Variants in BRINP3 observed in about 807,000 individuals in gnomAD.
BRINP3 encodes the protein BMP/retinoic acid inducible neural specific 3.
A neutral mutation model predicts 71.0 loss-of-function variants in BRINP3; 19 were observed. The observed-to-expected ratio is 0.27, with a 90% CI of 0.19 to 0.39. The LOEUF is 0.39. Ranked by LOEUF, BRINP3 falls within the 10% of genes least tolerant of loss-of-function variation. BRINP3 has a pLI of 1.00. For synonymous variants in BRINP3, 380 were observed against 337.7 expected (o/e 1.13, Z -1.37); for missense variants, 959 against 940.8 (o/e 1.02, Z -0.25).
intron 2 of BRINP3, among the ~76,000 whole-genome samples, chr1:190,310,062 T>C (rs775245433): frequency 6.6e-6 from 1 of 151,332 alleles, no homozygotes; most frequent in Non-Finnish European, 1.5e-5. Flanking sequence ...TTGTAAGTTT[T>C]GTGTTTTAGT....
intron 3 of BRINP3, among the ~76,000 whole-genome samples, chr1:190,266,309 G>A (rs1392495866): frequency 1.3e-5 from 2 of 152,074 alleles, no homozygotes; most frequent in Non-Finnish European, 2.9e-5. Context: ...TAGCCCAGGT[G>A]ACAATCCAAT....
At chr1:190,277,118 T>TATATATATATATATATATATATA (rs376769940) in intron 3 of BRINP3, among the ~76,000 whole-genome samples, 8 of 128,558 alleles carry the variant, frequency 6.2e-5, no homozygotes, top group South Asian at 2.5e-4. Context: ...TATATATATA[T>TATATATATATATATATATATATA]TTATATTCAG....
At chr1:190,266,695 C>G (rs1472927511) in intron 3 of BRINP3, among the ~76,000 whole-genome samples, 1 of 151,982 alleles carries the variant, frequency 6.6e-6, no homozygotes, top group African/African-American at 2.4e-5. Flanking sequence ...TCAGAATGAC[C>G]AATGAATCAG....
intron 2 of BRINP3, among the ~76,000 whole-genome samples, chr1:190,326,710 T>C (rs1208689904): frequency 1.3e-5 from 2 of 152,084 alleles, no homozygotes; most frequent in African/African-American, 2.4e-5. Flanking sequence ...CTAAGCTTCA[T>C]AAGCAAATAA....
intron 4 of BRINP3, among the ~76,000 whole-genome samples, chr1:190,240,005 G>A (rs1371175503): frequency 2.0e-5 from 3 of 150,496 alleles, no homozygotes; most frequent in Admixed American, 1.3e-4. Context: ...TTATTTCAAG[G>A]CTACAATTAC....
intron 7 of BRINP3, 25 bp from the exon 8 acceptor site, chr1:190,099,159 C>T: frequency 6.3e-7 from 1 of 1,599,338 alleles, no homozygotes; most frequent in Non-Finnish European, 8.5e-7. Context: ...CAGAACGAAT[C>T]TACATAAATA....
intron 1 of BRINP3, among the ~76,000 whole-genome samples, chr1:190,467,809 T>G (rs997006976): frequency 6.6e-6 from 1 of 151,574 alleles, no homozygotes; most frequent in African/African-American, 2.4e-5. Context: ...TAAACCATTT[T>G]TAAAATTTAA....
intron 2 of BRINP3, among the ~76,000 whole-genome samples, chr1:190,415,356 T>C (rs1672946280): frequency 6.6e-6 from 1 of 152,182 alleles, no homozygotes; most frequent in Non-Finnish European, 1.5e-5. Context: ...GGATAAATAT[T>C]GTGTAACTGA....
chr1:190,238,090 T>A (rs1658697583), intron 4 of BRINP3, among the ~76,000 whole-genome samples: 1 of 152,078 alleles, frequency 6.6e-6, no homozygotes, highest in Non-Finnish European at 1.5e-5. Flanking sequence ...AGTTATTTAA[T>A]TTTATACATT....
At chr1:190,357,651 G>C (rs561802020) in intron 2 of BRINP3, among the ~76,000 whole-genome samples, 1 of 152,056 alleles carries the variant, frequency 6.6e-6, no homozygotes, top group South Asian at 2.1e-4. Flanking sequence ...TGGCGATGCG[G>C]GATCCTTTAT....
chr1:190,281,226 G>T (rs1663011530), intron 3 of BRINP3, among the ~76,000 whole-genome samples: 1 of 151,940 alleles, frequency 6.6e-6, no homozygotes, highest in Middle Eastern at 3.4e-3. Flanking sequence ...TCTATAACTA[G>T]AATTGATGAC....
At chr1:190,327,896 C>T (rs1666718130) in intron 2 of BRINP3, among the ~76,000 whole-genome samples, 2 of 152,204 alleles carry the variant, frequency 1.3e-5, no homozygotes. Context: ...TGATTACATT[C>T]TCAGCCATAA....
At chr1:190,103,135 C>A (rs977187100) in intron 7 of BRINP3, among the ~76,000 whole-genome samples, 1 of 152,052 alleles carries the variant, frequency 6.6e-6, no homozygotes, top group African/African-American at 2.4e-5. Flanking sequence ...ACCCTGTGCC[C>A]TGTGACGAGT....
At chr1:190,264,502 T>G (rs1208163688) in intron 4 of BRINP3, among the ~76,000 whole-genome samples, 3 of 152,260 alleles carry the variant, frequency 2.0e-5, no homozygotes, top group East Asian at 3.9e-4. Flanking sequence ...AATAGTATTT[T>G]TAAGTGGGTA....
chr1:190,472,354 A>C (rs867679439), intron 1 of BRINP3, among the ~76,000 whole-genome samples: 1 of 151,666 alleles, frequency 6.6e-6, no homozygotes, highest in African/African-American at 2.4e-5. Flanking sequence ...TACGATGTGA[A>C]AGAAAAAAAC....
rs77319285 is a variant in BRINP3, at chr1:190,234,663, T to C, written c.619-186A>G. ...GGAAAGCAGTAAGTCCCTTTGTCTT[T>C]AATTCATTTTCTTTCCTTTGGTTGG... On this transcript the variant is annotated intron_variant, in intron 4 of 7. Coordinates refer to ENST00000367462, the MANE Select transcript of BRINP3 (RefSeq NM_199051.3). 6.3e-3 allele frequency among the ~76,000 whole-genome samples: 956 copies of C among 152,256 alleles called. 5 individuals are homozygous for C. The highest frequency in any genetic ancestry group is 0.012 in the Admixed American group (179 of 15,286).
At chr1:190,452,139 T>C (rs1675650545) in intron 2 of BRINP3, among the ~76,000 whole-genome samples, 1 of 152,316 alleles carries the variant, frequency 6.6e-6, no homozygotes, top group African/African-American at 2.4e-5. Context: ...AATTCTATAT[T>C]TTTATGGCAA....
chr1:190,366,443 G>C (rs1233453061), intron 2 of BRINP3, among the ~76,000 whole-genome samples: 3 of 152,100 alleles, frequency 2.0e-5, no homozygotes, highest in South Asian at 4.1e-4. Context: ...GACATGTGGG[G>C]ATTATGGGAA....
intron 4 of BRINP3, among the ~76,000 whole-genome samples, chr1:190,236,211 T>C (rs1571453902): frequency 6.6e-6 from 1 of 151,996 alleles, no homozygotes; most frequent in Non-Finnish European, 1.5e-5. Flanking sequence ...CAAGTGTTTA[T>C]TGATAGAGAG....
Sources: allele counts gnomAD v4.1 joint callset (sites outside exome capture counted in the v4.1 genomes callset), GRCh38; gene constraint gnomAD v4.1.1; transcripts MANE v1.5; gene names NCBI Gene and HGNC (gene_info 2026-07-23, HGNC 2026-07-21).